The following HDAC9 variants were observed in gnomAD, a reference collection of about 807,000 sequenced individuals.
HDAC9 encodes the protein histone deacetylase 9.
A neutral mutation model predicts 139.4 loss-of-function variants in HDAC9; 41 were observed. The ratio of observed to expected loss-of-function variants is 0.29; its 90% CI spans 0.23 to 0.38. The LOEUF (loss-of-function observed/expected upper bound fraction) is 0.38, where lower values mean the gene tolerates loss of function less well. Among genes scored for constraint, HDAC9 ranks in the 10% least tolerant of loss-of-function variants. HDAC9 has a pLI of 1.00. For synonymous variants in HDAC9, 517 were observed against 476.2 expected, an observed-to-expected ratio of 1.09 and a Z score of -1.12; for missense variants, 1,147 against 1,297.0, an observed-to-expected ratio of 0.88 and a Z score of 1.78.
chr7:18,482,416 A>AAAAAAAAAAT (rs1363675050), intron 1 of HDAC9, among the ~76,000 whole-genome samples: 4 of 139,564 alleles, frequency 2.9e-5, no homozygotes, highest in Non-Finnish European at 4.6e-5. Flanking sequence ...AAAAAAAAAA[A>AAAAAAAAAAT]ATTCTCCTTG....
intron 1 of HDAC9, chr7:18,429,472 C>T (rs1230849407): frequency 6.6e-6 from 1 of 152,074 alleles, no homozygotes; most frequent in African/African-American, 2.4e-5. Flanking sequence ...TAACTTTCCC[C>T]TGGATGCTTG....
intron 24 of HDAC9, among the ~76,000 whole-genome samples, chr7:18,968,044 C>G (rs545321558): frequency 2.0e-4 from 31 of 152,190 alleles, no homozygotes; most frequent in African/African-American, 6.3e-4. Context: ...TGCCCGTAAT[C>G]CCAGCTTCTC....
At chr7:18,954,971 T>C (rs1783050265) in intron 24 of HDAC9, among the ~76,000 whole-genome samples, 1 of 152,042 alleles carries the variant, frequency 6.6e-6, no homozygotes, top group South Asian at 2.1e-4. Flanking sequence ...TTGACTGGAG[T>C]TAAATTACCC....
chr7:18,822,987 T>G (rs1324368438), intron 17 of HDAC9, among the ~76,000 whole-genome samples: 1 of 152,240 alleles, frequency 6.6e-6, no homozygotes, highest in Non-Finnish European at 1.5e-5. Flanking sequence ...TATTTGTCAT[T>G]TTGTTCTGTT....
intron 12 of HDAC9, among the ~76,000 whole-genome samples, chr7:18,681,150 T>C (rs1781863026): frequency 6.6e-6 from 1 of 151,998 alleles, no homozygotes; most frequent in Admixed American, 6.6e-5. Flanking sequence ...ATTCAAGCCT[T>C]CTTCTTTGGT....
intron 13 of HDAC9, among the ~76,000 whole-genome samples, chr7:18,733,367 G>A (rs938918455): frequency 4.7e-5 from 7 of 150,072 alleles, no homozygotes; most frequent in African/African-American, 1.7e-4. Flanking sequence ...CTGTGTTAAG[G>A]CCTTCTAGAG....
intron 1 of HDAC9, among the ~76,000 whole-genome samples, chr7:18,344,878 A>T (rs1224320949): frequency 6.6e-6 from 1 of 152,026 alleles, no homozygotes; most frequent in Non-Finnish European, 1.5e-5. Flanking sequence ...ACCAAATTCT[A>T]AGGATTGATA....
chr7:18,989,298 T>G (rs1356375456), intron 25 of HDAC9, among the ~76,000 whole-genome samples: 232 of 151,646 alleles, frequency 1.5e-3, no homozygotes, highest in African/African-American at 5.2e-3. Flanking sequence ...GTCTGTAAAG[T>G]ATTTAATTTC....
chr7:18,951,594 T>C (rs931680276), intron 23 of HDAC9, among the ~76,000 whole-genome samples: 1 of 151,598 alleles, frequency 6.6e-6, no homozygotes, highest in African/African-American at 2.4e-5. Context: ...GTCTTGTTTG[T>C]ATAAATTACT....
chr7:18,802,085 T>C (rs1763101942), intron 17 of HDAC9, among the ~76,000 whole-genome samples: 2 of 151,788 alleles, frequency 1.3e-5, no homozygotes, highest in South Asian at 4.1e-4. Context: ...GGGGAGGTCA[T>C]ATATTTCTTT....
chr7:18,964,737 G>C (rs189834087), intron 24 of HDAC9, among the ~76,000 whole-genome samples: 1 of 152,180 alleles, frequency 6.6e-6, no homozygotes, highest in South Asian at 2.1e-4. Context: ...AGGAGGAACT[G>C]TCAGAGACAT....
intron 2 of HDAC9, among the ~76,000 whole-genome samples, chr7:18,582,800 T>C (rs1243852535): frequency 1.3e-5 from 2 of 152,212 alleles, no homozygotes; most frequent in African/African-American, 4.8e-5. Context: ...GGTAGAAATA[T>C]GTAACACTTC....
Position 18,578,070 on chromosome 7 carries a change from A to C in HDAC9, c.23-7211A>C, listed in dbSNP as rs1826570790. ...GCTTAGCTTGACTTTTGGGAGCTAGAATCCCAAAGATCCCTTTCCCAGAGT... is the reference window on the plus strand; with the variant it reads ...GCTTAGCTTGACTTTTGGGAGCTAGCATCCCAAAGATCCCTTTCCCAGAGT... On this transcript the variant is annotated intron_variant, in intron 2 of 25. Coordinates refer to ENST00000686413, the MANE Select transcript of HDAC9 (RefSeq NM_178425.4). 3 of 505,696 alleles carry C rather than the reference A, an allele frequency of 5.9e-6. No individual in the cohort carries two copies. In the Admixed American group the frequency reaches 6.0e-5, roughly 10 times the overall value. The allele number at this position is 505,696 out of a possible 1,614,324, so 31.3% of individuals were successfully genotyped here.
chr7:18,793,092 G>T (rs1792472991), intron 16 of HDAC9: 1 of 458,166 alleles, frequency 2.2e-6, no homozygotes, highest in Admixed American at 3.4e-5. Flanking sequence ...TGGCAGGAAT[G>T]TGTTTCCATT....
At chr7:18,138,011 A>C (rs1463167149) in intron 1 of HDAC9, among the ~76,000 whole-genome samples, 1 of 152,060 alleles carries the variant, frequency 6.6e-6, no homozygotes, top group African/African-American at 2.4e-5. Context: ...CAGAGATTCA[A>C]CTTCTTCCTG....
chr7:18,501,975 A>C (rs1798506452), intron 2 of HDAC9, among the ~76,000 whole-genome samples: 1 of 152,204 alleles, frequency 6.6e-6, no homozygotes, highest in South Asian at 2.1e-4. Flanking sequence ...AGCACCAGGT[A>C]GTCAAAAATG....
intron 1 of HDAC9, among the ~76,000 whole-genome samples, chr7:18,465,068 A>G (rs1376067615): frequency 6.6e-6 from 1 of 152,054 alleles, no homozygotes; most frequent in African/African-American, 2.4e-5. Context: ...TTGCCTTTAA[A>G]AATATTTGTA....
intron 2 of HDAC9, among the ~76,000 whole-genome samples, chr7:18,542,565 A>T (rs562386000): frequency 1.0e-3 from 152 of 152,322 alleles, no homozygotes; most frequent in African/African-American, 3.0e-3. Flanking sequence ...TTTTAAAAAG[A>T]TTAATAAGTG....
chr7:18,736,727 A>G (rs190501995), intron 13 of HDAC9, among the ~76,000 whole-genome samples: 9 of 152,306 alleles, frequency 5.9e-5, no homozygotes, highest in Non-Finnish European at 1.2e-4. Flanking sequence ...AGGCTTTGGT[A>G]TCAGGATGAA....
Sources: allele counts gnomAD v4.1 joint callset (sites outside exome capture counted in the v4.1 genomes callset), GRCh38; gene constraint gnomAD v4.1.1; transcripts MANE v1.5; gene names NCBI Gene and HGNC (gene_info 2026-07-23, HGNC 2026-07-21).